SSH2: variants seen among roughly 807,000 people sequenced by gnomAD.
SSH2 encodes the protein slingshot protein phosphatase 2.
Under a neutral mutation model 135.2 loss-of-function variants are expected in SSH2, and 37 were observed. The ratio of observed to expected loss-of-function variants is 0.27; its 90% CI spans 0.21 to 0.36. The LOEUF (loss-of-function observed/expected upper bound fraction) is 0.36, where lower values mean the gene tolerates loss of function less well. SSH2 is among the 10% of genes least tolerant of loss of function. SSH2 has a pLI of 1.00. For synonymous variants in SSH2, 628 were observed against 646.2 expected (o/e 0.97, Z 0.43); for missense variants, 1,408 against 1,765.3 (o/e 0.80, Z 3.63).
At position 29,629,560 on chromosome 17, in the gene SSH2, C is replaced by CT. The variant is rs1031416073; in HGVS notation, c.*1280dup. 6.6e-6 allele frequency: 1 copy of CT among 152,624 alleles called. No individual in the cohort carries two copies. The highest frequency in any genetic ancestry group is 1.5e-5 in the Non-Finnish European group (1 of 68,030). The allele number at this position is 152,624 out of a possible 1,614,324, so 9.5% of individuals were successfully genotyped here. A position where few individuals can be genotyped will look rare whatever the true frequency, so the allele number is the denominator to read the frequency against. On this transcript the variant is annotated 3_prime_UTR_variant, in exon 16 of 16. Coordinates refer to ENST00000540801, the MANE Select transcript of SSH2 (RefSeq NM_001282129.2). ...CACCCAACACTTTCATTTCTGGTGT[C>CT]TGTGTTTTCCAGTTGCAACTCTACT...
chr17:29,724,438 G>A (rs1212309899), intron 3 of SSH2, among the ~76,000 whole-genome samples: 1 of 141,354 alleles, frequency 7.1e-6, no homozygotes, highest in African/African-American at 2.6e-5. Context: ...TGAGGCAGGG[G>A]AATCACTTGA....
chr17:29,887,677 G>A lies in SSH2; in HGVS notation c.64-38748C>T, dbSNP rs367904870. 1.8e-4 allele frequency among the ~76,000 whole-genome samples: 28 copies of A among 152,218 alleles called. No individual in the cohort carries two copies. The East Asian group carries it at 5.4e-3, about 29-fold the overall frequency. On this transcript the variant is annotated intron_variant, in intron 1 of 15. Coordinates refer to ENST00000540801, the MANE Select transcript of SSH2 (RefSeq NM_001282129.2). ...GCCTAGCACAGAGTAAGCCAATGTT[G>A]GTTGTTCTTATTTCTTTCTCTTTGA...
chr17:29,754,746 A>C (rs1324802053), intron 3 of SSH2, among the ~76,000 whole-genome samples: 1 of 152,076 alleles, frequency 6.6e-6, no homozygotes, highest in Non-Finnish European at 1.5e-5. Flanking sequence ...GGCTCACTGC[A>C]ACCTCTGCCT....
chr17:29,930,170 C>G lies in SSH2; in HGVS notation c.-170G>C. On this transcript the variant is annotated 5_prime_UTR_variant, in exon 1 of 16. Transcript: ENST00000540801. ...GACTCCGCACCCACCACCAGACTGT[C>G]GCCGACTGACGCTCCGAACGGGCGG... The G allele has an allele frequency of 3.3e-6, 2 of 603,274 alleles. No individual in the cohort carries two copies. The highest frequency in any genetic ancestry group is 5.6e-6 in the Non-Finnish European group (2 of 355,240). 37.4% of individuals were successfully genotyped at this position (603,274 alleles called of 1,614,324 possible). A position where few individuals can be genotyped will look rare whatever the true frequency, so the allele number is the denominator to read the frequency against.
rs149968631 is a variant in SSH2, at chr17:29,631,877, G to A, written c.3317C>T (p.Pro1106Leu). Residue 1106 changes from proline (P) to leucine (L), a missense_variant, in exon 16 of 16, where the codon CCT (proline) becomes CTT (leucine). Physicochemically the swap from Pro to Leu is moderately conservative, Grantham distance 98. Transcript: ENST00000540801. ...GTTGTGCTCAGGGGAGGAAGAATGAGGCAGAGGTAGCACTTGGGGGTGCAG... is the reference window on the plus strand; with the variant it reads ...GTTGTGCTCAGGGGAGGAAGAATGAAGCAGAGGTAGCACTTGGGGGTGCAG... ...VSLHPQVLPL[P>L]HSSSPEHNRP... 2 of 1,614,120 alleles carry A rather than the reference G, an allele frequency of 1.2e-6. No homozygotes were observed. The highest frequency in any genetic ancestry group is 1.3e-5 in the African/African-American group (1 of 74,938).
At chr17:29,914,553 T>C (rs2066846530) in intron 1 of SSH2, among the ~76,000 whole-genome samples, 1 of 132,824 alleles carries the variant, frequency 7.5e-6, no homozygotes, top group Admixed American at 8.2e-5. Flanking sequence ...AGAGAGACCC[T>C]GTCTGAAAAA....
intron 2 of SSH2, among the ~76,000 whole-genome samples, chr17:29,826,459 C>T (rs1250180227): frequency 6.6e-6 from 1 of 152,130 alleles, no homozygotes; most frequent in East Asian, 1.9e-4. Flanking sequence ...TTGTATTATA[C>T]AAGATGCTTT....
chr17:29,641,696 T>G (rs1419470738), intron 14 of SSH2: 1 of 152,200 alleles, frequency 6.6e-6, no homozygotes, highest in Non-Finnish European at 1.5e-5. Context: ...GCTGCCCAAG[T>G]GAGCACAAGA....
intron 6 of SSH2, among the ~76,000 whole-genome samples, 159 bp from the exon 7 acceptor site, chr17:29,677,900 T>C (rs1439864998): frequency 6.6e-6 from 1 of 152,210 alleles, no homozygotes; most frequent in Non-Finnish European, 1.5e-5. Context: ...ATTAATCTTA[T>C]GTATGTCCTC....
Position 29,863,500 on chromosome 17 carries a change from CTGCCCTTTCTA to C in SSH2, c.64-14582_64-14572del, listed in dbSNP as rs2065801658. 4 of 152,180 alleles carry C rather than the reference CTGCCCTTTCTA, an allele frequency of 2.6e-5. No individual in the cohort carries two copies. In the South Asian group the frequency reaches 8.3e-4, roughly 32 times the overall value. The allele number at this position is 152,180 out of a possible 1,614,324, so 9.4% of individuals were successfully genotyped here. A position where few individuals can be genotyped will look rare whatever the true frequency, so the allele number is the denominator to read the frequency against. On this transcript the variant is annotated intron_variant, in intron 1 of 15. Transcript: ENST00000540801. ...GACAAAGGAGATTTGAGAAAACAAA[CTGCCCTTTCTA>C]TGCCTTTGGATGCAGTTATGCAGAT...
At chr17:29,655,928 A>T (rs1407301469) in intron 11 of SSH2, among the ~76,000 whole-genome samples, 1 of 152,220 alleles carries the variant, frequency 6.6e-6, no homozygotes, top group Non-Finnish European at 1.5e-5. Context: ...TCTTGCTCAT[A>T]GTAATCTCCT....
At chr17:29,711,663 G>A (rs1196690844) in intron 3 of SSH2, among the ~76,000 whole-genome samples, 3 of 152,132 alleles carry the variant, frequency 2.0e-5, no homozygotes, top group Non-Finnish European at 2.9e-5. Context: ...TTCTAGTGGC[G>A]TCCAACTCTG....
At chr17:29,885,469 T>C (rs1351246266) in intron 1 of SSH2, among the ~76,000 whole-genome samples, 1 of 151,814 alleles carries the variant, frequency 6.6e-6, no homozygotes, top group African/African-American at 2.4e-5. Flanking sequence ...TTTAAGGAAG[T>C]GTCTCTTGGC....
At chr17:29,792,647 GATA>G (rs1022952710) in intron 3 of SSH2, among the ~76,000 whole-genome samples, 2 of 152,106 alleles carry the variant, frequency 1.3e-5, no homozygotes, top group Admixed American at 6.5e-5. Context: ...ACAAACACCT[GATA>G]ATAATAATAA....
chr17:29,820,547 A>G (rs1318632364), intron 2 of SSH2, among the ~76,000 whole-genome samples: 1 of 152,234 alleles, frequency 6.6e-6, no homozygotes, highest in Non-Finnish European at 1.5e-5. Flanking sequence ...ATACAATACT[A>G]CTTCTGGTGT....
At chr17:29,721,399 G>A (rs930931056) in intron 3 of SSH2, among the ~76,000 whole-genome samples, 3 of 152,154 alleles carry the variant, frequency 2.0e-5, no homozygotes, top group African/African-American at 7.2e-5. Context: ...ATCTACCCCA[G>A]TGGCAACTCA....
chr17:29,785,771 T>C (rs1382408273), intron 3 of SSH2, among the ~76,000 whole-genome samples: 5 of 151,590 alleles, frequency 3.3e-5, no homozygotes, highest in Admixed American at 2.6e-4. Context: ...AGTGCTGGGA[T>C]TGCAGGCGCG....
intron 8 of SSH2, among the ~76,000 whole-genome samples, chr17:29,672,867 G>A (rs1346568209): frequency 1.3e-5 from 2 of 151,934 alleles, no homozygotes; most frequent in East Asian, 1.9e-4. Flanking sequence ...CCACTACACC[G>A]GGCTGATTTT....
intron 1 of SSH2, among the ~76,000 whole-genome samples, chr17:29,905,372 T>G (rs528760090): frequency 1.6e-4 from 25 of 152,196 alleles, no homozygotes; most frequent in Non-Finnish European, 3.4e-4. Flanking sequence ...ACTGCTCCAG[T>G]CAGCCTGCCA....
Sources: gnomAD v4.1 joint callset for allele counts (sites outside exome capture counted in the v4.1 genomes callset) on GRCh38, gnomAD v4.1.1 for gene constraint, MANE v1.5 for transcripts, NCBI Gene and HGNC (gene_info 2026-07-23, HGNC 2026-07-21) for gene names.